NUP93: variants seen among roughly 807,000 people sequenced by gnomAD.
NUP93 encodes the protein nucleoporin 93.
Under a neutral mutation model 107.8 loss-of-function variants are expected in NUP93, and 55 were observed. The observed-to-expected ratio is 0.51, with a 90% CI of 0.41 to 0.64. NUP93 has a LOEUF of 0.64. Among genes scored for constraint, NUP93 ranks in the 30% least tolerant of loss-of-function variants. NUP93 has a pLI of 0.00. For missense variants in NUP93, 937 were observed against 1,044.7 expected, an observed-to-expected ratio of 0.90 and a Z score of 1.42; for synonymous variants, 390 against 397.5, an observed-to-expected ratio of 0.98 and a Z score of 0.22.
intron 5 of NUP93, among the ~76,000 whole-genome samples, chr16:56,817,661 C>G (rs1448689038): frequency 6.6e-6 from 1 of 152,056 alleles, no homozygotes; most frequent in Non-Finnish European, 1.5e-5. Flanking sequence ...AAGACTGAAA[C>G]TTTTTTCATA....
chr16:56,743,799 A>G (rs1296882001), intron 1 of NUP93, among the ~76,000 whole-genome samples: 1 of 152,148 alleles, frequency 6.6e-6, no homozygotes, highest in Non-Finnish European at 1.5e-5. Context: ...AACAGCAGTG[A>G]TAAGTTTGCC....
chr16:56,811,990 C>CA (rs150033916), intron 5 of NUP93, among the ~76,000 whole-genome samples: 7 of 151,940 alleles, frequency 4.6e-5, no homozygotes, highest in African/African-American at 1.7e-4. Flanking sequence ...TGTTAGGAAT[C>CA]AAAAAAATCT....
intron 5 of NUP93, among the ~76,000 whole-genome samples, chr16:56,813,034 A>T (rs1963349284): frequency 6.6e-6 from 1 of 152,222 alleles, no homozygotes; most frequent in Admixed American, 6.5e-5. Context: ...TATTAGACAT[A>T]GTCTATGAAC....
At chr16:56,744,964 A>G (rs1448346520) in intron 1 of NUP93, among the ~76,000 whole-genome samples, 1 of 152,220 alleles carries the variant, frequency 6.6e-6, no homozygotes, top group Non-Finnish European at 1.5e-5. Context: ...AACACCTCCT[A>G]TTCATTCAAA....
chr16:56,803,951 C>A (rs951883998), intron 4 of NUP93, among the ~76,000 whole-genome samples: 6 of 151,934 alleles, frequency 3.9e-5, no homozygotes, highest in Admixed American at 3.3e-4. Context: ...AGGGTTTTGC[C>A]ATGTTGACCA....
intron 1 of NUP93, among the ~76,000 whole-genome samples, chr16:56,744,991 T>C (rs1263368528): frequency 2.0e-5 from 3 of 152,210 alleles, no homozygotes; most frequent in Non-Finnish European, 4.4e-5. Flanking sequence ...GTACCTGCTA[T>C]GTGCCAGGCA....
At chr16:56,753,833 A>T (rs1961967764) in intron 2 of NUP93, among the ~76,000 whole-genome samples, 1 of 152,200 alleles carries the variant, frequency 6.6e-6, no homozygotes, top group Admixed American at 6.5e-5. Context: ...AAAGTTGTGA[A>T]AAAATTAGGC....
At chr16:56,818,088 C>T (rs1963470636) in intron 5 of NUP93, among the ~76,000 whole-genome samples, 1 of 152,168 alleles carries the variant, frequency 6.6e-6, no homozygotes, top group African/African-American at 2.4e-5. Context: ...ATATGTACAG[C>T]TGTGTATGTG....
At chr16:56,775,332 C>G (rs1460971834) in intron 3 of NUP93, among the ~76,000 whole-genome samples, 2 of 152,196 alleles carry the variant, frequency 1.3e-5, no homozygotes, top group East Asian at 3.8e-4. Flanking sequence ...GTAGACATTT[C>G]TAGAACTTCT....
intron 1 of NUP93, among the ~76,000 whole-genome samples, chr16:56,731,442 C>G (rs1182248043): frequency 6.6e-6 from 1 of 151,088 alleles, no homozygotes; most frequent in Non-Finnish European, 1.5e-5. Context: ...CTCGGTCGCT[C>G]AGTCTGGAGT....
At position 56,795,630 on chromosome 16, in the gene NUP93, ATATTTTTATTTT is replaced by A. The variant is rs5817076; in HGVS notation, c.298-2820_298-2809del. Among the ~76,000 whole-genome samples, 1,218 of 147,242 alleles carry A rather than the reference ATATTTTTATTTT, an allele frequency of 8.3e-3. 24 individuals carry two copies. The highest frequency in any genetic ancestry group is 0.028 in the African/African-American group (1,109 of 39,434). ...CTGCCTGAGAGGCTGTGCTGGAGGAATATTTTTATTTTTATTTTTATTTTTATTTTTATTTTT... is the reference window on the plus strand; with the variant it reads ...CTGCCTGAGAGGCTGTGCTGGAGGAATATTTTTATTTTTATTTTTATTTTT... On this transcript the variant is annotated intron_variant, in intron 3 of 21. Transcript: ENST00000308159.
chr16:56,804,778 C>T (rs1241564924), intron 4 of NUP93, among the ~76,000 whole-genome samples: 5 of 151,686 alleles, frequency 3.3e-5, no homozygotes, highest in African/African-American at 4.8e-5. Flanking sequence ...TGGTGGTGGG[C>T]GCCTGTAATC....
intron 1 of NUP93, 96 bp from the exon 2 acceptor site, chr16:56,748,138 A>T (rs1335889305): frequency 1.2e-6 from 1 of 801,344 alleles, no homozygotes; most frequent in Admixed American, 2.5e-5. Flanking sequence ...GTTTACAAAA[A>T]GTTCTGCTGT....
At chr16:56,838,901 C>T in intron 18 of NUP93, 51 bp from the exon 19 acceptor site, 1 of 1,293,784 alleles carries the variant, frequency 7.7e-7, no homozygotes, top group African/African-American at 1.5e-5. Flanking sequence ...ACGGATTACA[C>T]AGAAATTCCT....
chr16:56,755,092 T>C lies in NUP93; in HGVS notation c.180-3446T>C, dbSNP rs1298390043. 2.6e-5 allele frequency among the ~76,000 whole-genome samples: 4 copies of C among 152,242 alleles called. No individual in the cohort carries two copies. The East Asian group carries it at 7.7e-4, about 29-fold the overall frequency. ...AACAGTCTGGCATTTCCTCAAAAGA[T>C]TAAGCATAGGGTTATATGACCCAGC... is the stretch of plus-strand genomic sequence containing the variant. On this transcript the variant is annotated intron_variant, in intron 2 of 21. Coordinates refer to ENST00000308159, the MANE Select transcript of NUP93 (RefSeq NM_014669.5).
intron 3 of NUP93, 58 bp from the exon 4 acceptor site, chr16:56,798,418 A>T: frequency 1.4e-6 from 2 of 1,447,620 alleles, no homozygotes; most frequent in Admixed American, 1.7e-5. Flanking sequence ...GCCCTGCAGT[A>T]TACTTTTGAT....
intron 1 of NUP93, among the ~76,000 whole-genome samples, chr16:56,733,262 G>C (rs1445459606): frequency 6.6e-6 from 1 of 152,182 alleles, no homozygotes; most frequent in African/African-American, 2.4e-5. Flanking sequence ...ATCTTATTCT[G>C]TAGGGGATGG....
At chr16:56,749,905 A>G (rs1351019054) in intron 2 of NUP93, among the ~76,000 whole-genome samples, 2 of 152,222 alleles carry the variant, frequency 1.3e-5, no homozygotes, top group African/African-American at 4.8e-5. Context: ...TCACAGCCCA[A>G]CCAGCCTTTA....
At chr16:56,840,506 T>C (rs1294298083) in intron 20 of NUP93, among the ~76,000 whole-genome samples, 1 of 152,150 alleles carries the variant, frequency 6.6e-6, no homozygotes, top group Non-Finnish European at 1.5e-5. Flanking sequence ...CCCCAGAGAT[T>C]CTGTTTTCCC....
Sources: gnomAD v4.1 joint callset for allele counts (sites outside exome capture counted in the v4.1 genomes callset) on GRCh38, gnomAD v4.1.1 for gene constraint, MANE v1.5 for transcripts, NCBI Gene and HGNC (gene_info 2026-07-23, HGNC 2026-07-21) for gene names.